Variants in PTPRK observed in about 807,000 individuals in gnomAD.
PTPRK encodes the protein receptor-type tyrosine-protein phosphatase kappa.
PTPRK carries 75 observed loss-of-function variants against 178.0 expected under a neutral mutation model. The observed-to-expected ratio is 0.42, with a 90% CI of 0.35 to 0.51. The LOEUF (loss-of-function observed/expected upper bound fraction) is 0.51, where lower values mean the gene tolerates loss of function less well. PTPRK is among the 20% of genes least tolerant of loss of function. The pLI, the probability that PTPRK is intolerant of heterozygous loss-of-function variation, is 0.02. For synonymous variants in PTPRK, 637 were observed against 620.6 expected, an observed-to-expected ratio of 1.03 and a Z score of -0.39; for missense variants, 1,441 against 1,797.8, an observed-to-expected ratio of 0.80 and a Z score of 3.59.
At chr6:128,101,942 A>C (rs1788861553) in intron 7 of PTPRK, among the ~76,000 whole-genome samples, 2 of 152,222 alleles carry the variant, frequency 1.3e-5, no homozygotes, top group Admixed American at 6.5e-5. Flanking sequence ...GAAGTCTGAC[A>C]AAGTAACAAT....
At chr6:128,023,727 C>T (rs1773869591) in intron 13 of PTPRK, among the ~76,000 whole-genome samples, 2 of 152,126 alleles carry the variant, frequency 1.3e-5, no homozygotes, top group Non-Finnish European at 2.9e-5. Flanking sequence ...TATCTTGGCT[C>T]AGTGCAGCCT....
chr6:128,457,059 T>G (rs1382007006), intron 1 of PTPRK, among the ~76,000 whole-genome samples: 1 of 152,100 alleles, frequency 6.6e-6, no homozygotes, highest in African/African-American at 2.4e-5. Flanking sequence ...ATAATTGAGA[T>G]GTCAATGTTT....
chr6:128,153,044 A>G (rs1797497412), intron 7 of PTPRK, among the ~76,000 whole-genome samples: 1 of 151,974 alleles, frequency 6.6e-6, no homozygotes, highest in African/African-American at 2.4e-5. Flanking sequence ...CCTCTCTACA[A>G]CTGAGAACCA....
At chr6:128,155,037 T>C (rs1413110418) in intron 7 of PTPRK, among the ~76,000 whole-genome samples, 1 of 151,770 alleles carries the variant, frequency 6.6e-6, no homozygotes, top group African/African-American at 2.4e-5. Flanking sequence ...CTTGGGTGAT[T>C]AAAGAAACCT....
At chr6:128,498,814 C>T (rs775302944) in intron 1 of PTPRK, among the ~76,000 whole-genome samples, 1 of 152,150 alleles carries the variant, frequency 6.6e-6, no homozygotes, top group Admixed American at 6.5e-5. Context: ...AGACAGGCAG[C>T]GGACAGCTAC....
intron 21 of PTPRK, among the ~76,000 whole-genome samples, chr6:127,990,215 C>T (rs1306958087): frequency 1.3e-5 from 2 of 152,060 alleles, no homozygotes; most frequent in Non-Finnish European, 1.5e-5. Flanking sequence ...TATTTCTTTC[C>T]CCTTCACTTA....
chr6:128,208,145 A>G (rs1321290904), intron 6 of PTPRK, among the ~76,000 whole-genome samples: 1 of 152,078 alleles, frequency 6.6e-6, no homozygotes, highest in African/African-American at 2.4e-5. Context: ...CAGTACACAG[A>G]AATGCCAAAT....
intron 1 of PTPRK, among the ~76,000 whole-genome samples, chr6:128,516,841 T>G (rs1017336762): frequency 2.6e-5 from 4 of 152,086 alleles, no homozygotes; most frequent in African/African-American, 9.6e-5. Flanking sequence ...AACAAACAGC[T>G]AAAGAAACTG....
chr6:128,243,655 C>A (rs1005512250), intron 3 of PTPRK, among the ~76,000 whole-genome samples: 4 of 151,744 alleles, frequency 2.6e-5, no homozygotes, highest in East Asian at 1.9e-4. Flanking sequence ...GATGACACCA[C>A]CGCACTCCAG....
intron 7 of PTPRK, among the ~76,000 whole-genome samples, chr6:128,143,028 T>C (rs759150680): frequency 4.6e-5 from 7 of 152,180 alleles, no homozygotes; most frequent in African/African-American, 7.2e-5. Context: ...GTTAAAGGAA[T>C]TGAAATATTC....
intron 7 of PTPRK, among the ~76,000 whole-genome samples, chr6:128,164,119 T>A (rs998114667): frequency 2.6e-5 from 4 of 151,486 alleles, no homozygotes; most frequent in South Asian, 4.1e-4. Context: ...TCTAATTACG[T>A]ATCTCCAATT....
chr6:128,025,399 A>T (rs1306154860), intron 13 of PTPRK, among the ~76,000 whole-genome samples: 1 of 152,254 alleles, frequency 6.6e-6, no homozygotes, highest in Admixed American at 6.5e-5. Context: ...AGGAAGAATA[A>T]GTAAACACAT....
intron 7 of PTPRK, among the ~76,000 whole-genome samples, chr6:128,132,161 G>A (rs1056360046): frequency 6.6e-6 from 1 of 152,096 alleles, no homozygotes; most frequent in Admixed American, 6.6e-5. Flanking sequence ...TACAGGCTGT[G>A]TGTTTTATTT....
intron 1 of PTPRK, chr6:128,472,672 CT>C: frequency 2.8e-6 from 1 of 355,488 alleles, no homozygotes; most frequent in South Asian, 2.4e-5. Context: ...ACAACTTGCT[CT>C]TTAACCCCAA....
At chr6:127,984,453 C>T (rs990172585) in intron 22 of PTPRK, among the ~76,000 whole-genome samples, 4 of 151,920 alleles carry the variant, frequency 2.6e-5, no homozygotes, top group Admixed American at 2.0e-4. Flanking sequence ...GGATTTTTTG[C>T]GGGGAGTGGG....
intron 7 of PTPRK, among the ~76,000 whole-genome samples, chr6:128,133,669 C>A (rs1020330311): frequency 2.0e-5 from 3 of 150,560 alleles, no homozygotes; most frequent in African/African-American, 7.3e-5. Context: ...AAGCAAAAAC[C>A]AAAAATACTT....
At chr6:128,477,770 T>C (rs143832636) in intron 1 of PTPRK, among the ~76,000 whole-genome samples, 14 of 152,250 alleles carry the variant, frequency 9.2e-5, no homozygotes, top group African/African-American at 3.1e-4. Context: ...AATATACAAT[T>C]TAAACACTGA....
At chr6:128,416,889 G>C (rs891982406) in intron 1 of PTPRK, among the ~76,000 whole-genome samples, 1 of 150,322 alleles carries the variant, frequency 6.7e-6, no homozygotes, top group Admixed American at 6.7e-5. Flanking sequence ...AACTAACTCA[G>C]GTTTAAAACC....
chr6:128,305,379 A>G (rs1323554370), intron 3 of PTPRK, among the ~76,000 whole-genome samples: 2 of 152,192 alleles, frequency 1.3e-5, no homozygotes, highest in Admixed American at 6.5e-5. Flanking sequence ...GTCCATAAAC[A>G]TATCAGGCTT....
Sources: gnomAD v4.1 joint callset for allele counts (sites outside exome capture counted in the v4.1 genomes callset) on GRCh38, gnomAD v4.1.1 for gene constraint, MANE v1.5 for transcripts, NCBI Gene and HGNC (gene_info 2026-07-23, HGNC 2026-07-21) for gene names.